The following GAK variants were observed in gnomAD, a reference collection of about 807,000 sequenced individuals.
GAK encodes the protein cyclin G associated kinase, also known as cyclin-G-associated kinase.
A neutral mutation model predicts 143.9 loss-of-function variants in GAK; 79 were observed. That is an observed-to-expected ratio of 0.55 (90% CI 0.46 to 0.66). GAK has a LOEUF of 0.66. GAK is among the 30% of genes least tolerant of loss of function. GAK has a pLI of 0.00. For synonymous variants in GAK, 881 were observed against 765.5 expected, an observed-to-expected ratio of 1.15 and a Z score of -2.49; for missense variants, 1,693 against 1,779.7, an observed-to-expected ratio of 0.95 and a Z score of 0.88.
intron 10 of GAK, among the ~76,000 whole-genome samples, chr4:889,363 G>A (rs980898473): frequency 3.3e-5 from 5 of 152,224 alleles, no homozygotes; most frequent in East Asian, 1.9e-4. Context: ...GACCCTGGAC[G>A]TGAAGGCAGA....
At position 911,766 on chromosome 4, in the gene GAK, T is replaced by C; in HGVS notation, c.289A>G (p.Asn97Asp). Residue 97 changes from asparagine (N) to aspartate (D), a missense_variant, in exon 4 of 28, where the codon AAC becomes GAC. Coordinates refer to ENST00000314167, the MANE Select transcript of GAK (RefSeq NM_005255.4). ...GCTGCAGAACAAAACTGGACAATGT[T>C]CGGGTGGCCGGAAAGCTTTTTCTGC... ...CFMKKLSGHP[N>D]IVQFCSAASI... 1 of 1,613,956 alleles carries C rather than the reference T, an allele frequency of 6.2e-7. No homozygotes were observed. Among genetic ancestry groups the C allele is most frequent in the South Asian group, 1.1e-5 (1 of 91,080 alleles).
intron 24 of GAK, among the ~76,000 whole-genome samples, chr4:855,246 T>C (rs1487776009): frequency 6.6e-6 from 1 of 152,104 alleles, no homozygotes. Flanking sequence ...GCATCTCCTC[T>C]GGTCTCTTTC....
At chr4:931,638 G>A (rs1044350253) in intron 1 of GAK, among the ~76,000 whole-genome samples, 1 of 152,070 alleles carries the variant, frequency 6.6e-6, no homozygotes, top group East Asian at 1.9e-4. Context: ...TCTAGGCACC[G>A]TCCCTCAGTC....
intron 24 of GAK, among the ~76,000 whole-genome samples, chr4:858,181 C>T (rs1251335510): frequency 6.6e-6 from 1 of 152,218 alleles, no homozygotes; most frequent in African/African-American, 2.4e-5. Flanking sequence ...CTGGCTGGCG[C>T]CTCTGCCCTT....
At chr4:887,740 T>C (rs1716792172) in intron 11 of GAK, 1 of 152,282 alleles carries the variant, frequency 6.6e-6, no homozygotes, top group Non-Finnish European at 1.5e-5. Context: ...CACACACGCA[T>C]ACATGCTCCA....
At chr4:914,323 T>C (rs1230448112) in intron 1 of GAK, among the ~76,000 whole-genome samples, 484 of 28,554 alleles carry the variant, frequency 0.017, no homozygotes, top group Admixed American at 0.018. Flanking sequence ...ACACACAGCC[T>C]CAGCGTGCCC....
At chr4:919,782 C>T (rs1577316924) in intron 1 of GAK, among the ~76,000 whole-genome samples, 1 of 152,374 alleles carries the variant, frequency 6.6e-6, no homozygotes, top group African/African-American at 2.4e-5. Flanking sequence ...CTCAGCTAGA[C>T]TACAAACACC....
intron 5 of GAK, 129 bp downstream of exon 5, chr4:904,508 C>A (rs560159870): frequency 1.3e-6 from 1 of 782,290 alleles, no homozygotes; most frequent in African/African-American, 1.9e-5. Flanking sequence ...GGCTCCTAAC[C>A]GAGCGGGACC....
chr4:902,605 A>AAAAAACAAAAAC (rs1553889066), intron 5 of GAK, among the ~76,000 whole-genome samples: 13 of 130,386 alleles, frequency 1.0e-4, no homozygotes, highest in East Asian at 4.9e-4. Flanking sequence ...TCAAAAAAAA[A>AAAAAACAAAAAC]AAAAAAAAAC....
intron 26 of GAK, 69 bp from the exon 27 acceptor site, chr4:850,137 T>A: frequency 7.0e-7 from 1 of 1,431,620 alleles, no homozygotes; most frequent in Non-Finnish European, 9.4e-7. Context: ...CCGCGGAAAC[T>A]GAGGCACGAC....
At position 912,720 on chromosome 4, in the gene GAK, C is replaced by G; in HGVS notation, c.267+15G>C. 6.2e-7 allele frequency: 1 copy of G among 1,611,810 alleles called. No individual in the cohort carries two copies. The highest frequency in any genetic ancestry group is 8.5e-7 in the Non-Finnish European group (1 of 1,178,378). ...AAAGCCACCGTGCTGGCTCCTGGTT[C>G]CAGGAAAAGGATACCATGAAGCAAA... is the stretch of plus-strand genomic sequence containing the variant. On this transcript the variant is annotated intron_variant, in intron 3 of 27. Coordinates refer to ENST00000314167, the MANE Select transcript of GAK (RefSeq NM_005255.4).
At chr4:874,542 T>C (rs1020302250) in intron 18 of GAK, among the ~76,000 whole-genome samples, 2 of 152,164 alleles carry the variant, frequency 1.3e-5, no homozygotes, top group Non-Finnish European at 2.9e-5. Context: ...TCAGCTGCCT[T>C]CGGGTGTCAC....
chr4:898,014 T>C lies in GAK; in HGVS notation c.651+19A>G, dbSNP rs781681714. The C allele has an allele frequency of 1.2e-5, 20 of 1,605,840 alleles. No homozygotes were observed. The highest frequency in any genetic ancestry group is 5.0e-5 in the Admixed American group (3 of 59,442). On this transcript the variant is annotated intron_variant, in intron 6 of 27. Transcript: ENST00000314167. ...TGGGAAGGGCCAGCTTCCCCCAGCA[T>C]AGGCCCCACTCAGCTCACCTCTTCC...
chr4:867,373 G>A lies in GAK; in HGVS notation c.2455C>T (p.Leu819=). Residue 819 remains leucine, a synonymous_variant, in exon 21 of 28, where the codon CTG becomes TTG. Transcript: ENST00000314167. The part of the protein sequence containing the change: ...NASSKESESA[L]MEDRDESEVS... ...TCACTCTCGTCTCTGTCCTCCATCA[G>A]GGCAGACTCGCTCTCCTTGGAAGAG... is the stretch of plus-strand genomic sequence containing the variant. 6.3e-7 allele frequency: 1 copy of A among 1,585,112 alleles called. No individual in the cohort carries two copies. Among genetic ancestry groups the A allele is most frequent in the Non-Finnish European group, 8.6e-7 (1 of 1,162,094 alleles).
intron 1 of GAK, among the ~76,000 whole-genome samples, chr4:923,734 G>C (rs1577327901): frequency 6.6e-6 from 1 of 152,234 alleles, no homozygotes; most frequent in Non-Finnish European, 1.5e-5. Flanking sequence ...GCTCAAGCCA[G>C]GTCAAATCTC....
Position 867,134 on chromosome 4 carries a change from C to T in GAK, c.2694G>A (p.Pro898=), listed in dbSNP as rs547097269. ...TGCTGGAGGGGGCCTTGCAGGCCTG[C>T]GGGGGTACAGCTGGCCCTGCGCCCA... The part of the protein sequence containing the change: ...SEVGAGPAVP[P]QACKAPSSNT... Residue 898 remains proline, a synonymous_variant, in exon 21 of 28, where the codon CCG becomes CCA. Transcript: ENST00000314167. 26 of 1,586,730 alleles carry T rather than the reference C, an allele frequency of 1.6e-5. No individual in the cohort carries two copies. Among genetic ancestry groups the T allele is most frequent in the East Asian group, 1.6e-4 (7 of 44,320 alleles).
chr4:912,859 A>G (rs2279178), intron 2 of GAK, 65 bp from the exon 3 acceptor site: 1,148,131 of 1,381,554 alleles, frequency 0.83, 479,673 homozygotes, highest in African/African-American at 0.93. Context: ...CACCCGATGC[A>G]TCATCTCAGA....
rs1344653465 is a variant in GAK, at chr4:905,578, CCACGCCCCAGGCCACGT to C, written c.383-816_383-800del. ...GCCCCAGGCCATGCTACGGACTTCG[CCACGCCCCAGGCCACGT>C]TACGGACTCCGCCAAACCAGGCCAC... On this transcript the variant is annotated intron_variant, in intron 4 of 27. Coordinates refer to ENST00000314167, the MANE Select transcript of GAK (RefSeq NM_005255.4). 2.0e-5 allele frequency among the ~76,000 whole-genome samples: 3 copies of C among 151,862 alleles called. No individual in the cohort carries two copies. The East Asian group carries it at 5.8e-4, about 29-fold the overall frequency.
chr4:931,888 G>A (rs28499136), intron 1 of GAK, among the ~76,000 whole-genome samples, 155 bp downstream of exon 1: 1 of 151,812 alleles, frequency 6.6e-6, no homozygotes, highest in South Asian at 2.1e-4. Context: ...CCACGCCCTC[G>A]GCAGAGACCC....
Sources: gnomAD v4.1 joint callset for allele counts (sites outside exome capture counted in the v4.1 genomes callset) on GRCh38, gnomAD v4.1.1 for gene constraint, MANE v1.5 for transcripts, NCBI Gene and HGNC (gene_info 2026-07-23, HGNC 2026-07-21) for gene names.